ZDHHC7: variants seen among roughly 807,000 people sequenced by gnomAD.
ZDHHC7 encodes zDHHC palmitoyltransferase 7.
A neutral mutation model predicts 34.1 loss-of-function variants in ZDHHC7; 12 were observed. That is an observed-to-expected ratio of 0.35 (90% CI 0.23 to 0.57). The LOEUF (loss-of-function observed/expected upper bound fraction) is 0.57, where lower values mean the gene tolerates loss of function less well. Among genes scored for constraint, ZDHHC7 ranks in the 20% least tolerant of loss-of-function variants. The pLI, the probability that ZDHHC7 is intolerant of heterozygous loss-of-function variation, is 0.84. For synonymous variants in ZDHHC7, 185 were observed against 155.4 expected (o/e 1.19, Z -1.42); for missense variants, 388 against 402.7 (o/e 0.96, Z 0.31).
rs372180160 is a variant in ZDHHC7, at chr16:84,985,800, C to T, written c.316-3806G>A. 2.2e-4 allele frequency among the ~76,000 whole-genome samples: 33 copies of T among 151,718 alleles called. No homozygotes were observed. In the East Asian group the frequency reaches 4.0e-3, roughly 18 times the overall value. On this transcript the variant is annotated intron_variant, in intron 3 of 7. Coordinates refer to ENST00000313732, the MANE Select transcript of ZDHHC7 (RefSeq NM_017740.3). Reference sequence around the variant, plus strand: ...TGAAACCCCATCTCTACTAAAAATACAAAAACTAGCCGGGCATGGTGGCAC... The same window carrying T: ...TGAAACCCCATCTCTACTAAAAATATAAAAACTAGCCGGGCATGGTGGCAC...
intron 1 of ZDHHC7, among the ~76,000 whole-genome samples, chr16:84,999,740 G>A (rs1430119459): frequency 6.6e-6 from 1 of 152,190 alleles, no homozygotes; most frequent in African/African-American, 2.4e-5. Flanking sequence ...AGGTAACATT[G>A]TAAGTTGACA....
At chr16:84,982,588 G>C (rs2072385034) in intron 3 of ZDHHC7, among the ~76,000 whole-genome samples, 1 of 152,100 alleles carries the variant, frequency 6.6e-6, no homozygotes, top group Non-Finnish European at 1.5e-5. Flanking sequence ...GGGCAGTCGG[G>C]GAACAAAGAA....
At chr16:85,014,353 G>C (rs2072825681), upstream of ZDHHC7, among the ~76,000 whole-genome samples, 2 of 152,188 alleles carry the variant, frequency 1.3e-5, no homozygotes. Flanking sequence ...TTCTATAGCA[G>C]GCTTAATGCA....
intron 1 of ZDHHC7, among the ~76,000 whole-genome samples, chr16:85,001,289 G>A (rs536086643): frequency 5.9e-5 from 9 of 152,098 alleles, no homozygotes; most frequent in South Asian, 2.1e-4. Flanking sequence ...TAGCCAACAC[G>A]GCGAAACCCC....
At position 84,980,776 on chromosome 16, in the gene ZDHHC7, T is replaced by C. The variant is rs1355857433; in HGVS notation, c.440+1094A>G. Among the ~76,000 whole-genome samples the C allele has an allele frequency of 5.9e-5, 9 of 152,348 alleles. No homozygotes were observed. The East Asian group carries it at 1.7e-3, about 29-fold the overall frequency. ...GTTGTGAGACCATCACCATCTAATTTTTGAACATTCCCACCATCCCAGAAA... is the reference window on the plus strand; with the variant it reads ...GTTGTGAGACCATCACCATCTAATTCTTGAACATTCCCACCATCCCAGAAA... On this transcript the variant is annotated intron_variant, in intron 4 of 7. Coordinates refer to ENST00000313732, the MANE Select transcript of ZDHHC7 (RefSeq NM_017740.3).
At position 84,974,677 on chromosome 16, in the gene ZDHHC7, T is replaced by A. The variant is rs1270932663; in HGVS notation, c.*1666A>T. Reference sequence around the variant, plus strand: ...CCAGACAACAATGTGCAAATGAATATGCAGAACAATCTCGGAAACTGGCGT... The same window carrying A: ...CCAGACAACAATGTGCAAATGAATAAGCAGAACAATCTCGGAAACTGGCGT... On this transcript the variant is annotated 3_prime_UTR_variant, in exon 8 of 8. Coordinates refer to ENST00000313732, the MANE Select transcript of ZDHHC7 (RefSeq NM_017740.3). 6.5e-6 allele frequency: 1 copy of A among 152,694 alleles called. No homozygotes were observed. Among genetic ancestry groups the A allele is most frequent in the African/African-American group, 2.4e-5 (1 of 41,450 alleles). 9.5% of individuals were successfully genotyped at this position (152,694 alleles called of 1,614,324 possible). A position where few individuals can be genotyped will look rare whatever the true frequency, so the allele number is the denominator to read the frequency against.
chr16:85,006,810 C>A (rs1023056247), intron 1 of ZDHHC7, among the ~76,000 whole-genome samples: 6 of 152,106 alleles, frequency 3.9e-5, no homozygotes, highest in Non-Finnish European at 8.8e-5. Flanking sequence ...TGTTGCGAAA[C>A]CTTCTGGCTC....
intron 2 of ZDHHC7, among the ~76,000 whole-genome samples, chr16:84,993,625 G>T (rs1451236842): frequency 6.6e-6 from 1 of 152,120 alleles, no homozygotes; most frequent in Non-Finnish European, 1.5e-5. Flanking sequence ...CTGGGCAACA[G>T]AGTAAGTAAG....
At position 84,976,487 on chromosome 16, in the gene ZDHHC7, T is replaced by A; in HGVS notation, c.783A>T (p.Thr261=). ...CTTCCCATCGCAGCCTCCGCTCCCA[T>A]GTGGGCTTCTCACTTTTCAATCGCT... is the stretch of plus-strand genomic sequence containing the variant. ...EIERLKSEKP[T]WERRLRWEGM... The change falls in exon 8 of 8, where the codon ACA becomes ACT. Residue 261 remains threonine (T), a synonymous_variant. Transcript: ENST00000313732. 1 of 1,613,870 alleles carries A rather than the reference T, an allele frequency of 6.2e-7. No homozygotes were observed. The highest frequency in any genetic ancestry group is 8.5e-7 in the Non-Finnish European group (1 of 1,179,988).
At chr16:85,026,515 G>A in the ZDHHC7 span, among the ~76,000 whole-genome samples, 61 of 151,868 alleles carry the variant, frequency 4.0e-4, no homozygotes, top group African/African-American at 1.4e-3. Context: ...TAACCCTCAC[G>A]GCACTGCAGC....
At chr16:85,021,578 C>T in the ZDHHC7 span, among the ~76,000 whole-genome samples, 5 of 151,588 alleles carry the variant, frequency 3.3e-5, no homozygotes, top group African/African-American at 1.2e-4. Context: ...AATAGCTGGG[C>T]ATGGTGGCAT....
At chr16:85,020,922 TAGTG>T in the ZDHHC7 span, among the ~76,000 whole-genome samples, 1 of 151,314 alleles carries the variant, frequency 6.6e-6, no homozygotes, top group Non-Finnish European at 1.5e-5. Flanking sequence ...CTGGGCAACA[TAGTG>T]AGTCCCCATC....
upstream of ZDHHC7, among the ~76,000 whole-genome samples, chr16:85,015,522 A>C (rs1388666121): frequency 6.6e-6 from 1 of 152,166 alleles, no homozygotes; most frequent in Non-Finnish European, 1.5e-5. Context: ...CCCACAGGAG[A>C]CAGCTTTGCA....
chr16:84,982,205 C>T (rs2072379714), intron 3 of ZDHHC7: 3 of 446,002 alleles, frequency 6.7e-6, no homozygotes, highest in East Asian at 5.2e-5. Context: ...ATTAGCCAGG[C>T]GCGGTGGCAG....
At chr16:85,000,043 G>A (rs576284173) in intron 1 of ZDHHC7, among the ~76,000 whole-genome samples, 2 of 151,954 alleles carry the variant, frequency 1.3e-5, no homozygotes, top group East Asian at 3.9e-4. Context: ...AGGAGGCTGA[G>A]GCAGGAGGAT....
chr16:84,977,869 T>C, intron 6 of ZDHHC7, 55 bp downstream of exon 6: 1 of 1,400,660 alleles, frequency 7.1e-7, no homozygotes, highest in South Asian at 1.2e-5. Context: ...AGCTTTCCCC[T>C]TTCATCCAAT....
At chr16:85,006,340 CAG>C (rs1325054157) in intron 1 of ZDHHC7, among the ~76,000 whole-genome samples, 1 of 152,074 alleles carries the variant, frequency 6.6e-6, no homozygotes, top group Admixed American at 6.6e-5. Flanking sequence ...GCCTGAGTAA[CAG>C]AGAGAGACCC....
chr16:85,002,133 G>A (rs977064288), intron 1 of ZDHHC7, among the ~76,000 whole-genome samples: 1 of 152,078 alleles, frequency 6.6e-6, no homozygotes, highest in Non-Finnish European at 1.5e-5. Flanking sequence ...AAACATGCAC[G>A]AGTCCAGACT....
chr16:85,010,563 G>A (rs1188275611), intron 1 of ZDHHC7, among the ~76,000 whole-genome samples: 1 of 152,220 alleles, frequency 6.6e-6, no homozygotes, highest in Non-Finnish European at 1.5e-5. Flanking sequence ...GCCCAGCACT[G>A]TATACAGCCC....
Sources: allele counts gnomAD v4.1 joint callset (sites outside exome capture counted in the v4.1 genomes callset), GRCh38; gene constraint gnomAD v4.1.1; transcripts MANE v1.5; gene names NCBI Gene and HGNC (gene_info 2026-07-23, HGNC 2026-07-21).